ACCSL: variants seen among roughly 807,000 people sequenced by gnomAD.
ACCSL encodes 1-aminocyclopropane-1-carboxylate synthase homolog (inactive) like.
ACCSL carries 55 observed loss-of-function variants against 61.7 expected under a neutral mutation model. The ratio of observed to expected loss-of-function variants is 0.89; its 90% CI spans 0.72 to 1.12. ACCSL has a LOEUF of 1.12. Among genes scored for constraint, ACCSL ranks in the 50% most tolerant of loss-of-function variants. The pLI, the probability that ACCSL is intolerant of heterozygous loss-of-function variation, is 0.00. For synonymous variants in ACCSL, 258 were observed against 264.3 expected (o/e 0.98, Z 0.23); for missense variants, 632 against 698.0 (o/e 0.91, Z 1.07).
chr11:43,989,937 C>T, the ACCSL span, among the ~76,000 whole-genome samples: 1 of 152,252 alleles, frequency 6.6e-6, no homozygotes, highest in Non-Finnish European at 1.5e-5. Flanking sequence ...TTGTGGCCTG[C>T]CTTGTCTGAG....
At chr11:44,041,170 C>T in the ACCSL span, among the ~76,000 whole-genome samples, 7 of 152,198 alleles carry the variant, frequency 4.6e-5, no homozygotes, top group African/African-American at 1.4e-4. Flanking sequence ...GAATAGTTTA[C>T]GTCATTCATA....
At chr11:44,046,625 G>C (rs1326926986), upstream of ACCSL, among the ~76,000 whole-genome samples, 2 of 152,176 alleles carry the variant, frequency 1.3e-5, no homozygotes, top group East Asian at 3.8e-4. Context: ...TGAAGTACTG[G>C]TGCCCTAAAT....
the ACCSL span, among the ~76,000 whole-genome samples, chr11:44,009,835 C>A: frequency 2.0e-5 from 3 of 152,166 alleles, no homozygotes; most frequent in African/African-American, 7.2e-5. Flanking sequence ...TCAAAGGACT[C>A]TGGCTGCCCA....
the ACCSL span, among the ~76,000 whole-genome samples, chr11:43,958,017 C>T: frequency 6.6e-6 from 1 of 152,320 alleles, no homozygotes; most frequent in East Asian, 1.9e-4. Context: ...CTGAACTGTC[C>T]TTGTTCATTC....
At chr11:43,961,199 G>A in the ACCSL span, among the ~76,000 whole-genome samples, 1 of 152,072 alleles carries the variant, frequency 6.6e-6, no homozygotes, top group South Asian at 2.1e-4. Context: ...ATCTTTTTGG[G>A]ACATTGTTGA....
the ACCSL span, among the ~76,000 whole-genome samples, chr11:43,983,462 G>A: frequency 0.37 from 55,762 of 151,988 alleles, 11,139 homozygotes; most frequent in Middle Eastern, 0.46. Context: ...AACCAGCCAC[G>A]GGTTATACCT....
chr11:43,983,914 A>G, the ACCSL span, among the ~76,000 whole-genome samples: 1 of 152,026 alleles, frequency 6.6e-6, no homozygotes, highest in Non-Finnish European at 1.5e-5. Context: ...TCAGGAGTTC[A>G]AGACTAGCCT....
At chr11:43,943,485 CT>C in the ACCSL span, 43 of 1,393,960 alleles carry the variant, frequency 3.1e-5, no homozygotes, top group Non-Finnish European at 4.1e-5. This position sits in a 1 kb window ranked among gnomAD's most constrained non-coding sequence, Gnocchi z 4.8. Context: ...AGCGGGGCCG[CT>C]TTCCTCGTCC....
At chr11:44,059,417 A>G (rs1952693570) in intron 13 of ACCSL, among the ~76,000 whole-genome samples, 1 of 152,212 alleles carries the variant, frequency 6.6e-6, no homozygotes, top group African/African-American at 2.4e-5. Context: ...GTGAACATTT[A>G]TTTATTGCAT....
At chr11:43,973,437 TC>T in the ACCSL span, among the ~76,000 whole-genome samples, 1 of 151,942 alleles carries the variant, frequency 6.6e-6, no homozygotes, top group African/African-American at 2.4e-5. Context: ...TATCTATCTA[TC>T]TATCTATCTA....
the ACCSL span, among the ~76,000 whole-genome samples, chr11:44,032,878 C>A: frequency 2.6e-5 from 4 of 152,296 alleles, no homozygotes; most frequent in Admixed American, 2.6e-4. Flanking sequence ...CCCACAGAAA[C>A]TCTCAGCTCA....
In ACCSL at chr11:44,051,771, T is replaced by G. The variant is rs11037844; in HGVS notation, c.772+52T>G. 7.6e-3 allele frequency: 12,134 copies of G among 1,603,498 alleles called. 152 individuals are homozygous for G. Among genetic ancestry groups the G allele is most frequent in the East Asian group, 0.044 (1,972 of 44,828 alleles). ...CTCAGTGAAATACTAGCAACACAGGTAGGAACACACGGGCACTGGACTTTG... is the reference window on the plus strand; with the variant it reads ...CTCAGTGAAATACTAGCAACACAGGGAGGAACACACGGGCACTGGACTTTG... On this transcript the variant is annotated intron_variant, in intron 5 of 13. Transcript: ENST00000378832.
chr11:43,983,845 G>A, the ACCSL span, among the ~76,000 whole-genome samples: 2 of 152,162 alleles, frequency 1.3e-5, no homozygotes, highest in African/African-American at 4.8e-5. Context: ...GCCGGGCGCT[G>A]TGGCTCACAC....
the ACCSL span, among the ~76,000 whole-genome samples, chr11:43,971,920 C>A: frequency 2.6e-5 from 4 of 152,188 alleles, no homozygotes; most frequent in Non-Finnish European, 4.4e-5. Flanking sequence ...TGGTCCTTGA[C>A]TTTCACTATT....
the ACCSL span, among the ~76,000 whole-genome samples, chr11:43,928,769 A>G: frequency 2.0e-5 from 3 of 152,246 alleles, no homozygotes; most frequent in African/African-American, 7.2e-5. Flanking sequence ...CAAGCTGCTT[A>G]TAAGTCATTC....
the ACCSL span, among the ~76,000 whole-genome samples, chr11:43,977,990 T>C: frequency 1.3e-5 from 2 of 150,870 alleles, no homozygotes; most frequent in East Asian, 3.9e-4. Context: ...CCTCCTCTTG[T>C]CTCTAGGAAG....
At chr11:43,996,225 GC>G in the ACCSL span, among the ~76,000 whole-genome samples, 5 of 152,170 alleles carry the variant, frequency 3.3e-5, no homozygotes, top group Non-Finnish European at 5.9e-5. Context: ...TGTTGTTCAA[GC>G]CCCCCACTGG....
chr11:43,973,716 C>T, the ACCSL span: 1 of 152,100 alleles, frequency 6.6e-6, no homozygotes. Context: ...ATTGGGCGAA[C>T]CATTCTTAAA....
chr11:44,037,423 G>A, the ACCSL span, among the ~76,000 whole-genome samples: 3 of 152,354 alleles, frequency 2.0e-5, no homozygotes, highest in East Asian at 3.9e-4. Context: ...CTGAGGTCAC[G>A]CACGCGCGGA....
Sources: allele counts gnomAD v4.1 joint callset (sites outside exome capture counted in the v4.1 genomes callset), GRCh38; gene constraint gnomAD v4.1.1; non-coding constraint Gnocchi (gnomAD v3.1); transcripts MANE v1.5; gene names NCBI Gene and HGNC (gene_info 2026-07-23, HGNC 2026-07-21).